The following ADGRL3 variants were observed in gnomAD, a reference collection of about 807,000 sequenced individuals.
ADGRL3 encodes the protein calcium-independent alpha-latrotoxin receptor 3.
In ADGRL3, 62 loss-of-function variants were observed where a neutral mutation model predicts 153.5. The observed-to-expected ratio is 0.40, with a 90% confidence interval of 0.33 to 0.50. The LOEUF (loss-of-function observed/expected upper bound fraction) is 0.50. Among genes scored for constraint, ADGRL3 ranks in the 20% least tolerant of loss-of-function variants. The probability of loss-of-function intolerance (pLI) is 0.47; values close to 1 mark genes in which losing one functional copy is unlikely to be tolerated. For missense variants in ADGRL3, 1,641 were observed against 1,859.4 expected (o/e 0.88, Z 2.16); for synonymous variants, 710 against 672.5 (o/e 1.06, Z -0.86).
chr4:62,042,068 G>A (rs964037243), intron 24 of ADGRL3, among the ~76,000 whole-genome samples: 15 of 151,938 alleles, frequency 9.9e-5, no homozygotes, highest in African/African-American at 3.6e-4. Flanking sequence ...ATGGAAAAGA[G>A]AGCATAGAAA....
chr4:62,000,425 A>G (rs1317079338), intron 21 of ADGRL3, among the ~76,000 whole-genome samples: 1 of 151,994 alleles, frequency 6.6e-6, no homozygotes, highest in African/African-American at 2.4e-5. Context: ...GTGAATCTTT[A>G]TGATATCATT....
intron 2 of ADGRL3, among the ~76,000 whole-genome samples, chr4:61,433,367 A>ATTTTT (rs1560625072): frequency 3.7e-5 from 3 of 80,132 alleles, no homozygotes; most frequent in African/African-American, 4.0e-5. Context: ...TTTTTTTTTA[A>ATTTTT]AAAAAAATCA....
At chr4:61,971,620 A>G (rs2099028064) in intron 17 of ADGRL3, among the ~76,000 whole-genome samples, 2 of 152,030 alleles carry the variant, frequency 1.3e-5, no homozygotes, top group Admixed American at 1.3e-4. Flanking sequence ...GTAAACATAC[A>G]TGTGCATGTG....
intron 2 of ADGRL3, among the ~76,000 whole-genome samples, chr4:61,412,633 G>A (rs1259791253): frequency 6.6e-6 from 1 of 152,072 alleles, no homozygotes; most frequent in Non-Finnish European, 1.5e-5. Flanking sequence ...GTTTCTCTGT[G>A]TCCACATTGG....
At chr4:61,923,865 A>G (rs996115857) in intron 13 of ADGRL3, among the ~76,000 whole-genome samples, 1 of 152,134 alleles carries the variant, frequency 6.6e-6, no homozygotes, top group East Asian at 1.9e-4. Flanking sequence ...TTTTATTTCT[A>G]CATCTTCAGG....
Position 61,909,907 on chromosome 4 carries a change from G to C in ADGRL3, c.2073+162G>C, listed in dbSNP as rs74470775. ...ATCAACAGTTATTTTCAATTCCTTT[G>C]TTATTATAATAATAGAACTGTGGTT... On this transcript the variant is annotated intron_variant, in intron 12 of 26. Transcript: ENST00000683033. Among the ~76,000 whole-genome samples, 72 of 151,668 alleles carry C rather than the reference G, an allele frequency of 4.7e-4. 2 individuals carry two copies. In the East Asian group the frequency reaches 0.01, roughly 22 times the overall value.
At chr4:61,495,489 G>T (rs1397781508) in intron 2 of ADGRL3, among the ~76,000 whole-genome samples, 1 of 150,960 alleles carries the variant, frequency 6.6e-6, no homozygotes, top group African/African-American at 2.4e-5. Context: ...AAGGAAGGAA[G>T]GAAGGGGAAG....
At chr4:61,905,620 T>G (rs2098691706) in intron 11 of ADGRL3, among the ~76,000 whole-genome samples, 1 of 152,122 alleles carries the variant, frequency 6.6e-6, no homozygotes, top group African/African-American at 2.4e-5. Flanking sequence ...TTGGGCCAGG[T>G]GCAGTAGTTC....
At chr4:61,481,573 T>C in intron 2 of ADGRL3, among the ~76,000 whole-genome samples, 1 of 151,782 alleles carries the variant, frequency 6.6e-6, no homozygotes, top group African/African-American at 2.4e-5. Flanking sequence ...ATGGAAACCT[T>C]AATGTTAGGA....
intron 6 of ADGRL3, among the ~76,000 whole-genome samples, chr4:61,719,331 TA>T (rs1398637543): frequency 2.6e-5 from 4 of 152,178 alleles, no homozygotes; most frequent in Non-Finnish European, 4.4e-5. Flanking sequence ...AACCATTCAC[TA>T]TCCAATTAAG....
At chr4:61,791,543 C>T (rs1490676631) in intron 8 of ADGRL3, among the ~76,000 whole-genome samples, 2 of 152,164 alleles carry the variant, frequency 1.3e-5, no homozygotes, top group South Asian at 2.1e-4. Flanking sequence ...TTTCCAGGTG[C>T]ATGGTGCAAG....
intron 2 of ADGRL3, among the ~76,000 whole-genome samples, chr4:61,451,174 G>A (rs2097669098): frequency 1.3e-5 from 2 of 151,990 alleles, no homozygotes; most frequent in African/African-American, 4.8e-5. Flanking sequence ...CTGATTATAT[G>A]ATAAAATAGA....
intron 8 of ADGRL3, among the ~76,000 whole-genome samples, chr4:61,766,781 T>C (rs2096986998): frequency 6.6e-6 from 1 of 151,590 alleles, no homozygotes; most frequent in East Asian, 1.9e-4. Context: ...GAAAGCATGT[T>C]TGAGATCTAG....
rs540684766 is a variant in ADGRL3 at position 61,426,143 on chromosome 4, A to T, written c.-174+42954A>T. ...AACATGCAAATGTAATTCATTTTCC[A>T]TAAGTCTTGCCACATGGCGTGGCTC... is the stretch of plus-strand genomic sequence containing the variant. On this transcript the variant is annotated intron_variant, in intron 2 of 26. Transcript: ENST00000683033. Among the ~76,000 whole-genome samples the T allele has an allele frequency of 5.8e-4, 89 of 152,374 alleles. 1 individual carries two copies. The highest frequency in any genetic ancestry group is 2.1e-3 in the African/African-American group (87 of 41,596).
intron 13 of ADGRL3, among the ~76,000 whole-genome samples, chr4:61,919,281 A>G (rs1024675269): frequency 1.3e-5 from 2 of 152,208 alleles, no homozygotes; most frequent in South Asian, 2.1e-4. Context: ...TTCATTTAAT[A>G]TAATTAAAAG....
intron 2 of ADGRL3, among the ~76,000 whole-genome samples, chr4:61,456,473 A>G (rs1488225847): frequency 7.7e-6 from 1 of 129,368 alleles, no homozygotes; most frequent in East Asian, 2.6e-4. Context: ...AGATATATCT[A>G]TATCTATATA....
intron 23 of ADGRL3, among the ~76,000 whole-genome samples, chr4:62,032,426 T>A (rs1722605317): frequency 6.6e-6 from 1 of 151,550 alleles, no homozygotes; most frequent in Non-Finnish European, 1.5e-5. Flanking sequence ...CTCAGCCAGA[T>A]TGCCTGGGTT....
intron 2 of ADGRL3, among the ~76,000 whole-genome samples, chr4:61,408,396 G>C (rs998884955): frequency 1.3e-5 from 2 of 151,668 alleles, no homozygotes; most frequent in East Asian, 2.0e-4. Flanking sequence ...GCAGCCCATG[G>C]GGGTATTAGC....
rs531403030 is a variant in ADGRL3 at position 61,524,655 on chromosome 4, A to G, written c.259+7137A>G. Among the ~76,000 whole-genome samples, 3 of 152,162 alleles carry G rather than the reference A, an allele frequency of 2.0e-5. No homozygotes were observed. In the East Asian group the frequency reaches 5.8e-4, roughly 30 times the overall value. ...CTTAAAATCTTGTTATCACATCTCT[A>G]AAGTGTGATATAAAAATGCATATAT... On this transcript the variant is annotated intron_variant, in intron 4 of 26. Coordinates refer to ENST00000683033, the MANE Select transcript of ADGRL3 (RefSeq NM_001387552.1).
Sources: allele counts gnomAD v4.1 joint callset (sites outside exome capture counted in the v4.1 genomes callset), GRCh38; gene constraint gnomAD v4.1.1; transcripts MANE v1.5; gene names NCBI Gene and HGNC (gene_info 2026-07-23, HGNC 2026-07-21).